TCF20: variants seen among roughly 807,000 people sequenced by gnomAD.
TCF20 encodes transcription factor 20, also known as SPRE-binding protein.
In TCF20, 3 loss-of-function variants were observed where a neutral mutation model predicts 148.6. The observed-to-expected ratio is 0.02, with a 90% CI of 0.01 to 0.05. The LOEUF (loss-of-function observed/expected upper bound fraction) is 0.05, where lower values mean the gene tolerates loss of function less well. Among genes scored for constraint, TCF20 ranks in the 10% least tolerant of loss-of-function variants. TCF20 has a pLI of 1.00. For synonymous variants in TCF20, 1,049 were observed against 909.5 expected (o/e 1.15, Z -2.76); for missense variants, 2,350 against 2,429.3 (o/e 0.97, Z 0.69).
intron 1 of TCF20, among the ~76,000 whole-genome samples, chr22:42,247,326 G>C (rs1316591011): frequency 6.6e-6 from 1 of 151,336 alleles, no homozygotes; most frequent in African/African-American, 2.4e-5. Flanking sequence ...TGTAATCCCA[G>C]CTACTCAGGA....
chr22:42,219,486 T>G (rs78555069), intron 1 of TCF20, among the ~76,000 whole-genome samples: 2,205 of 151,898 alleles, frequency 0.015, 22 homozygotes, highest in Non-Finnish European at 0.023. Context: ...TGAATTCCTT[T>G]GTTTAAATGA....
chr22:42,318,309 T>C (rs1229797194), intron 1 of TCF20, among the ~76,000 whole-genome samples: 1 of 152,118 alleles, frequency 6.6e-6, no homozygotes, highest in Non-Finnish European at 1.5e-5. Flanking sequence ...CAATATATAA[T>C]TTACTTACTT....
intron 1 of TCF20, among the ~76,000 whole-genome samples, chr22:42,311,563 A>G (rs1317302885): frequency 1.3e-5 from 2 of 152,156 alleles, no homozygotes; most frequent in African/African-American, 4.8e-5. Flanking sequence ...CCACCATCAT[A>G]CACCCATGTT....
At chr22:42,253,499 A>T (rs1027397906) in intron 1 of TCF20, among the ~76,000 whole-genome samples, 2 of 152,208 alleles carry the variant, frequency 1.3e-5, no homozygotes, top group Non-Finnish European at 2.9e-5. Context: ...CTATAATTAG[A>T]TGTCAATTCC....
intron 2 of TCF20, among the ~76,000 whole-genome samples, chr22:42,194,888 G>A (rs1937515292): frequency 6.6e-6 from 1 of 151,816 alleles, no homozygotes; most frequent in Admixed American, 6.6e-5. Flanking sequence ...CGAGTTAGGT[G>A]TAGCTTCTCC....
At chr22:42,188,439 G>T (rs1937164478) in intron 2 of TCF20, among the ~76,000 whole-genome samples, 1 of 152,054 alleles carries the variant, frequency 6.6e-6, no homozygotes, top group South Asian at 2.1e-4. Flanking sequence ...ATCATAAAGT[G>T]TAAGTTATTC....
At chr22:42,198,700 C>T (rs1354865485) in intron 2 of TCF20, among the ~76,000 whole-genome samples, 5 of 145,216 alleles carry the variant, frequency 3.4e-5, no homozygotes, top group Admixed American at 6.9e-5. Flanking sequence ...CTCGCTGTGT[C>T]GCCCAGGCTG....
chr22:42,224,904 G>A (rs1449580909), intron 1 of TCF20, among the ~76,000 whole-genome samples: 2 of 151,898 alleles, frequency 1.3e-5, no homozygotes, highest in Non-Finnish European at 2.9e-5. Flanking sequence ...GGAGAAAAAA[G>A]GAAAACTTCT....
In TCF20 at chr22:42,283,483, C is replaced by A. The variant is rs570319570; in HGVS notation, c.-37+344G>T. ...CGGGGCCCTGCCCTTCACGCCCCTGCTGCTGCCGCGCTCCCCGAGCAGCCC... is the reference window on the plus strand; with the variant it reads ...CGGGGCCCTGCCCTTCACGCCCCTGATGCTGCCGCGCTCCCCGAGCAGCCC... On this transcript the variant is annotated intron_variant, in intron 1 of 5. Transcript: ENST00000359486. Among the ~76,000 whole-genome samples, 12 of 152,250 alleles carry A rather than the reference C, an allele frequency of 7.9e-5. No homozygotes were observed. The South Asian group carries it at 2.5e-3, about 32-fold the overall frequency.
At chr22:42,199,476 T>A (rs985173044) in intron 2 of TCF20, among the ~76,000 whole-genome samples, 1 of 152,226 alleles carries the variant, frequency 6.6e-6, no homozygotes, top group Non-Finnish European at 1.5e-5. Flanking sequence ...GAGGTTTTCT[T>A]CAGGCCCATA....
chr22:42,169,760 G>T, intron 4 of TCF20, 87 bp downstream of exon 4: 2 of 1,390,744 alleles, frequency 1.4e-6, no homozygotes, highest in Non-Finnish European at 1.0e-6. Flanking sequence ...TGTGGGTGAG[G>T]CCCACCAACA....
chr22:42,170,626 C>CAAAAAA lies in TCF20; in HGVS notation c.5750-736_5750-731dup, dbSNP rs58579686. On this transcript the variant is annotated intron_variant, in intron 3 of 5. Transcript: ENST00000677622. Reference sequence around the variant, plus strand: ...CTGGTGACAGAGCGAGACTCCGTCTCAAAAAAAAAAAAAAAAAAAAAAAAA... The same window carrying CAAAAAA: ...CTGGTGACAGAGCGAGACTCCGTCTCAAAAAAAAAAAAAAAAAAAAAAAAAAAAAAA... Among the ~76,000 whole-genome samples the CAAAAAA allele has an allele frequency of 6.9e-3, 499 of 72,052 alleles. 61 individuals carry two copies. The highest frequency in any genetic ancestry group is 0.016 in the African/African-American group (269 of 16,334). 47.3% of individuals were successfully genotyped at this position (72,052 alleles called of 152,430 possible).
At chr22:42,334,025 A>G (rs949959792) in intron 1 of TCF20, among the ~76,000 whole-genome samples, 2 of 152,184 alleles carry the variant, frequency 1.3e-5, no homozygotes, top group East Asian at 1.9e-4. Flanking sequence ...GTGACTCAAC[A>G]TAATGGTACC....
intron 1 of TCF20, among the ~76,000 whole-genome samples, chr22:42,248,674 A>C (rs1251506499): frequency 6.6e-6 from 1 of 152,168 alleles, no homozygotes; most frequent in Non-Finnish European, 1.5e-5. Flanking sequence ...AAAAATCCCT[A>C]ATGTTTAAAA....
At chr22:42,244,056 T>C (rs1015124083) in intron 1 of TCF20, among the ~76,000 whole-genome samples, 2 of 151,982 alleles carry the variant, frequency 1.3e-5, no homozygotes, top group East Asian at 1.9e-4. Context: ...ATACAAAAAT[T>C]AGACAGGTAT....
At chr22:42,311,152 G>A (rs562747057) in intron 1 of TCF20, among the ~76,000 whole-genome samples, 1 of 152,324 alleles carries the variant, frequency 6.6e-6, no homozygotes, top group East Asian at 1.9e-4. Flanking sequence ...CACACAGCCT[G>A]CCTCCCCTCA....
chr22:42,242,202 CAAAAAAAAA>C (rs151190006), intron 1 of TCF20, among the ~76,000 whole-genome samples: 30 of 59,816 alleles, frequency 5.0e-4, no homozygotes, highest in African/African-American at 2.3e-3. Context: ...GACTTCGCCT[CAAAAAAAAA>C]AAAAAAAAAA....
chr22:42,210,625 G>T lies in TCF20; in HGVS notation c.4681C>A (p.Pro1561Thr). Reference sequence around the variant, plus strand: ...CCTTCTGGTATCTGTGGGGGCTGAGGGGGTGGAGGCGGTGGCTGCTGCTGT... The same window carrying T: ...CCTTCTGGTATCTGTGGGGGCTGAGTGGGTGGAGGCGGTGGCTGCTGCTGT... ...KKQQQPPPPPPQPPQIPEGSA... is the reference protein window; with the variant it reads ...KKQQQPPPPPTQPPQIPEGSA... Residue 1561 changes from proline (P) to threonine (T), a missense_variant, in exon 2 of 6, where the codon CCT becomes ACT. This residue lies in a region of TCF20 where 374 missense variants were observed against 398.3 expected (regional missense o/e 0.94). Transcript: ENST00000677622. This position sits in a 1 kb window ranked among gnomAD's most constrained non-coding sequence, Gnocchi z 4.7. 1.2e-6 allele frequency: 2 copies of T among 1,614,158 alleles called. No homozygotes were observed. The highest frequency in any genetic ancestry group is 1.1e-5 in the South Asian group (1 of 91,066).
intron 1 of TCF20, among the ~76,000 whole-genome samples, chr22:42,305,903 G>A (rs1054324766): frequency 6.6e-6 from 1 of 152,170 alleles, no homozygotes; most frequent in Non-Finnish European, 1.5e-5. Context: ...GGAGGCACTG[G>A]CAGCCGTGGA....
Sources: gnomAD v4.1 joint callset for allele counts (sites outside exome capture counted in the v4.1 genomes callset) on GRCh38, gnomAD v4.1.1 for gene constraint, gnomAD v4.1.1 regional missense constraint, Gnocchi (gnomAD v3.1) non-coding constraint, MANE v1.5 for transcripts, NCBI Gene and HGNC (gene_info 2026-07-23, HGNC 2026-07-21) for gene names.